CACNA2D1: variants seen among roughly 807,000 people sequenced by gnomAD.
CACNA2D1 encodes the protein calcium voltage-gated channel auxiliary subunit alpha2delta 1.
A neutral mutation model predicts 171.5 loss-of-function variants in CACNA2D1; 53 were observed. The observed-to-expected ratio is 0.31, with a 90% CI of 0.25 to 0.39. CACNA2D1 has a LOEUF of 0.39. CACNA2D1 is among the 10% of genes least tolerant of loss of function. The pLI, the probability that CACNA2D1 is intolerant of heterozygous loss-of-function variation, is 1.00. For missense variants in CACNA2D1, 903 were observed against 1,299.8 expected (o/e 0.69, Z 4.69); for synonymous variants, 442 against 443.1 (o/e 1.00, Z 0.03).
intron 3 of CACNA2D1, among the ~76,000 whole-genome samples, chr7:82,192,475 TGTGTGTGTGTGTGTG>T (rs1798417663): frequency 6.2e-5 from 2 of 32,154 alleles, no homozygotes; most frequent in Non-Finnish European, 1.0e-4. Flanking sequence ...TGTGTGTGTG[TGTGTGTGTGTGTGTG>T]TGTGTGTGTG....
In CACNA2D1 at chr7:81,983,407, C is replaced by T. The variant is rs1012456795; in HGVS notation, c.1874-73G>A. 3.7e-6 allele frequency: 4 copies of T among 1,090,694 alleles called. No individual in the cohort carries two copies. In the African/African-American group the frequency reaches 6.3e-5, roughly 17 times the overall value. 67.6% of individuals were successfully genotyped at this position (1,090,694 alleles called of 1,614,324 possible). On this transcript the variant is annotated intron_variant, in intron 22 of 38. Coordinates refer to ENST00000356860, the MANE Select transcript of CACNA2D1 (RefSeq NM_000722.4). Reference sequence around the variant, plus strand: ...AGGGTAAAGCAAAGGGGGTCATAAACAATATTTTATTCAATGACTTTCTTG... The same window carrying T: ...AGGGTAAAGCAAAGGGGGTCATAAATAATATTTTATTCAATGACTTTCTTG...
intron 10 of CACNA2D1, among the ~76,000 whole-genome samples, chr7:82,044,289 A>C (rs980929322): frequency 5.9e-5 from 9 of 152,180 alleles, no homozygotes; most frequent in Middle Eastern, 3.2e-3. Context: ...TACTTTGTAC[A>C]TTGTTTAGTC....
intron 3 of CACNA2D1, among the ~76,000 whole-genome samples, chr7:82,180,968 G>T (rs1322693175): frequency 6.7e-6 from 1 of 148,392 alleles, no homozygotes; most frequent in Non-Finnish European, 1.5e-5. Context: ...CATGCCAGAA[G>T]GGGGAACTTA....
At chr7:82,153,493 C>T (rs148155805) in intron 4 of CACNA2D1, among the ~76,000 whole-genome samples, 40 of 152,114 alleles carry the variant, frequency 2.6e-4, no homozygotes, top group Middle Eastern at 3.4e-3. Flanking sequence ...TCTAAAGTTG[C>T]TCATGGAAAC....
chr7:82,304,721 G>T (rs1224959245), intron 3 of CACNA2D1, among the ~76,000 whole-genome samples: 1 of 152,096 alleles, frequency 6.6e-6, no homozygotes, highest in African/African-American at 2.4e-5. Flanking sequence ...GGGGAGGGGT[G>T]TATAGAGAGG....
At chr7:81,969,094 T>G (rs928358771) in intron 28 of CACNA2D1, 121 bp from the exon 29 acceptor site, 3 of 659,894 alleles carry the variant, frequency 4.5e-6, no homozygotes, top group Non-Finnish European at 5.3e-6. Context: ...CTACAAACTA[T>G]AAAATGTTTG....
chr7:81,970,878 T>A, intron 26 of CACNA2D1, 141 bp from the exon 27 acceptor site: 4 of 651,116 alleles, frequency 6.1e-6, no homozygotes, highest in Non-Finnish European at 1.1e-5. Flanking sequence ...TTTAATAATT[T>A]AAATATCTAT....
chr7:81,975,033 A>AT, intron 24 of CACNA2D1, among the ~76,000 whole-genome samples: 1 of 152,158 alleles, frequency 6.6e-6, no homozygotes, highest in East Asian at 1.9e-4. Flanking sequence ...AAAATAAAAA[A>AT]AAAATTGCCT....
intron 6 of CACNA2D1, among the ~76,000 whole-genome samples, chr7:82,115,555 A>G (rs1157797673): frequency 6.6e-6 from 1 of 151,916 alleles, no homozygotes; most frequent in Non-Finnish European, 1.5e-5. Flanking sequence ...ATACACATAC[A>G]ACGTTTCTAT....
At chr7:82,080,160 T>C (rs1355788555) in intron 7 of CACNA2D1, among the ~76,000 whole-genome samples, 1 of 115,052 alleles carries the variant, frequency 8.7e-6, no homozygotes, top group East Asian at 2.4e-4. Context: ...CCTATATATG[T>C]ATATAGGTGT....
At chr7:82,233,541 C>T (rs1278488337) in intron 3 of CACNA2D1, among the ~76,000 whole-genome samples, 2 of 152,182 alleles carry the variant, frequency 1.3e-5, no homozygotes, top group African/African-American at 4.8e-5. Flanking sequence ...GCTACCTCTT[C>T]CATTTCTTCC....
At chr7:82,353,140 T>G (rs1042673985) in intron 1 of CACNA2D1, among the ~76,000 whole-genome samples, 5 of 151,938 alleles carry the variant, frequency 3.3e-5, no homozygotes, top group Non-Finnish European at 7.4e-5. Flanking sequence ...AGGTAAGAAA[T>G]GAGATGGACT....
intron 10 of CACNA2D1, among the ~76,000 whole-genome samples, chr7:82,054,745 T>G (rs2282936): frequency 0.17 from 26,270 of 152,060 alleles, 3,770 homozygotes; most frequent in African/African-American, 0.39. Flanking sequence ...AGACCCTATT[T>G]GTACCTGGGG....
intron 1 of CACNA2D1, among the ~76,000 whole-genome samples, chr7:82,416,257 C>A (rs1828155929): frequency 6.6e-6 from 1 of 151,916 alleles, no homozygotes; most frequent in Admixed American, 6.6e-5. Flanking sequence ...TTAAAAATCT[C>A]ATTTAAAATG....
At chr7:82,294,094 A>T (rs914137076) in intron 3 of CACNA2D1, among the ~76,000 whole-genome samples, 5 of 152,170 alleles carry the variant, frequency 3.3e-5, no homozygotes, top group Admixed American at 3.3e-4. Context: ...TTGAAAGAAA[A>T]TAAAGATAGA....
intron 3 of CACNA2D1, among the ~76,000 whole-genome samples, chr7:82,200,125 C>T (rs1463000859): frequency 1.3e-5 from 2 of 152,068 alleles, no homozygotes; most frequent in Admixed American, 6.6e-5. Context: ...TGTGTGCAAA[C>T]ACACATATAC....
chr7:82,187,966 T>C (rs903123440), intron 3 of CACNA2D1, among the ~76,000 whole-genome samples: 1 of 152,160 alleles, frequency 6.6e-6, no homozygotes, highest in Non-Finnish European at 1.5e-5. Context: ...GAGACAGACA[T>C]GAATTCTAAT....
chr7:82,048,552 T>C (rs1369377507), intron 10 of CACNA2D1, among the ~76,000 whole-genome samples: 1 of 152,134 alleles, frequency 6.6e-6, no homozygotes, highest in African/African-American at 2.4e-5. Flanking sequence ...ATTCTCAAAA[T>C]GCTTTTTTTA....
At chr7:82,072,265 G>GTGA (rs1409043183) in intron 7 of CACNA2D1, among the ~76,000 whole-genome samples, 5 of 151,862 alleles carry the variant, frequency 3.3e-5, no homozygotes, top group African/African-American at 1.2e-4. Flanking sequence ...AACACTTGAG[G>GTGA]TGATGAATAC....
Sources: allele counts gnomAD v4.1 joint callset (sites outside exome capture counted in the v4.1 genomes callset), GRCh38; gene constraint gnomAD v4.1.1; transcripts MANE v1.5; gene names NCBI Gene and HGNC (gene_info 2026-07-23, HGNC 2026-07-21).